The following NETO2 variants were observed in gnomAD, a reference collection of about 807,000 sequenced individuals.
NETO2 encodes neuropilin and tolloid like 2.
A neutral mutation model predicts 62.5 loss-of-function variants in NETO2; 28 were observed. The observed-to-expected ratio is 0.45, with a 90% CI of 0.33 to 0.61. NETO2 has a LOEUF of 0.61. Among genes scored for constraint, NETO2 ranks in the 20% least tolerant of loss-of-function variants. The probability of loss-of-function intolerance (pLI) is 0.02; values close to 1 mark genes in which losing one functional copy is unlikely to be tolerated. For missense variants in NETO2, 548 were observed against 643.2 expected (o/e 0.85, Z 1.60); for synonymous variants, 214 against 219.1 (o/e 0.98, Z 0.21).
chr16:47,133,461 G>A (rs959722299), intron 1 of NETO2, among the ~76,000 whole-genome samples: 4 of 151,950 alleles, frequency 2.6e-5, no homozygotes, highest in African/African-American at 9.7e-5. Context: ...GGGAGGCTGA[G>A]GCAGGAGGAT....
chr16:47,128,289 G>A (rs771480990), intron 4 of NETO2, 36 bp downstream of exon 4: 1 of 1,591,336 alleles, frequency 6.3e-7, no homozygotes, highest in Non-Finnish European at 8.6e-7. Flanking sequence ...GTTAGAGTGA[G>A]ATGCCCAACC....
chr16:47,129,215 T>C lies in NETO2; in HGVS notation c.232+9A>G, dbSNP rs867156347. 7 of 1,613,314 alleles carry C rather than the reference T, an allele frequency of 4.3e-6. No homozygotes were observed. In the Middle Eastern group the frequency reaches 8.3e-4, roughly 190 times the overall value. On this transcript the variant is annotated intron_variant, in intron 3 of 8. Transcript: ENST00000562435. ...AAAATTCATCCAATAAAAGAAATCG[T>C]TCAAATACCTTCCAAAATGTAGATA... is the stretch of plus-strand genomic sequence containing the variant.
intron 7 of NETO2, among the ~76,000 whole-genome samples, chr16:47,097,027 G>A (rs920562050): frequency 1.3e-5 from 2 of 152,182 alleles, no homozygotes; most frequent in Admixed American, 6.5e-5. Context: ...TTCACAACCC[G>A]CAGACCAGGA....
At chr16:47,085,878 G>A (rs1341847730) in intron 8 of NETO2, among the ~76,000 whole-genome samples, 1 of 151,846 alleles carries the variant, frequency 6.6e-6, no homozygotes, top group Non-Finnish European at 1.5e-5. Flanking sequence ...GGCCGAGGTG[G>A]GCAGATCATG....
intron 6 of NETO2, among the ~76,000 whole-genome samples, chr16:47,115,201 A>C (rs1963884086): frequency 6.6e-6 from 1 of 152,138 alleles, no homozygotes; most frequent in African/African-American, 2.4e-5. Flanking sequence ...TTTCAGAATA[A>C]TTTTGGCTTC....
At chr16:47,114,923 C>T (rs1482778717) in intron 6 of NETO2, among the ~76,000 whole-genome samples, 7 of 152,078 alleles carry the variant, frequency 4.6e-5, no homozygotes, top group Admixed American at 4.6e-4. Flanking sequence ...TGAGGCAACA[C>T]CTACACTCAA....
Position 47,083,099 on chromosome 16 carries a change from A to ACGGTAAATCAAGGTCTT in NETO2, c.*105_*121dup, listed in dbSNP as rs1963102881. 1.2e-6 allele frequency: 1 copy of ACGGTAAATCAAGGTCTT among 823,468 alleles called. No individual in the cohort carries two copies. The highest frequency in any genetic ancestry group is 1.7e-5 in the African/African-American group (1 of 58,224). The allele number at this position is 823,468 out of a possible 1,614,324, so 51.0% of individuals were successfully genotyped here. The stretch of plus-strand genomic sequence containing the variant: ...AAAAACATCACCATACAATAGGTTA[A>ACGGTAAATCAAGGTCTT]CGGTAAATCAAGGTCTTCGTAGTTG... On this transcript the variant is annotated 3_prime_UTR_variant, in exon 9 of 9. Transcript: ENST00000562435.
At chr16:47,129,587 T>C (rs1335971795) in intron 2 of NETO2, among the ~76,000 whole-genome samples, 3 of 152,046 alleles carry the variant, frequency 2.0e-5, no homozygotes, top group Non-Finnish European at 4.4e-5. Context: ...AACAGGGAAA[T>C]AAAGGGCTTA....
Position 47,122,931 on chromosome 16 carries a change from G to T in NETO2, c.482-19C>A. 6.2e-7 allele frequency: 1 copy of T among 1,610,274 alleles called. No homozygotes were observed. The highest frequency in any genetic ancestry group is 1.1e-5 in the South Asian group (1 of 90,874). ...TCTGGATCTGTAACAGAAAAAAGAA[G>T]AAAGTCATTGGTACTGAGATAGTTA... On this transcript the variant is annotated intron_variant, in intron 4 of 8. Coordinates refer to ENST00000562435, the MANE Select transcript of NETO2 (RefSeq NM_018092.5).
chr16:47,091,328 T>C (rs1207266303), intron 7 of NETO2, among the ~76,000 whole-genome samples: 1 of 152,202 alleles, frequency 6.6e-6, no homozygotes, highest in Non-Finnish European at 1.5e-5. Flanking sequence ...TTTTCACCTG[T>C]TTAATTATCA....
In NETO2 at chr16:47,128,315, T is replaced by TA; in HGVS notation, c.481+9dup. 6.2e-7 allele frequency: 1 copy of TA among 1,610,736 alleles called. No individual in the cohort carries two copies. Among genetic ancestry groups the TA allele is most frequent in the Non-Finnish European group, 8.5e-7 (1 of 1,178,342 alleles). On this transcript the variant is annotated intron_variant, in intron 4 of 8. Transcript: ENST00000562435. ...ATGCCCAACCACTTAAAAGATAACT[T>TA]ATTCTTTACCTGGAATAAATGAATA...
rs372282267 is a variant in NETO2, at chr16:47,083,826, TAA to T, written c.998-27_998-26del. 2.0e-5 allele frequency: 30 copies of T among 1,520,876 alleles called. No homozygotes were observed. In the East Asian group the frequency reaches 4.3e-4, roughly 22 times the overall value. 94.2% of individuals were successfully genotyped at this position (1,520,876 alleles called of 1,614,324 possible). ...TCTGCAGAAAGAAAATGAGAAACGTTAAGTTTTCAAAATACATTAATATGAAT... is the reference window on the plus strand; with the variant it reads ...TCTGCAGAAAGAAAATGAGAAACGTTGTTTTCAAAATACATTAATATGAAT... On this transcript the variant is annotated intron_variant, in intron 8 of 8. Coordinates refer to ENST00000562435, the MANE Select transcript of NETO2 (RefSeq NM_018092.5).
intron 1 of NETO2, among the ~76,000 whole-genome samples, chr16:47,132,292 GTTTT>G (rs1338591752): frequency 2.0e-5 from 3 of 150,274 alleles, no homozygotes; most frequent in African/African-American, 7.4e-5. Context: ...CAACTTAATA[GTTTT>G]GTTTAAAAAA....
At chr16:47,132,395 T>C (rs147509599) in intron 1 of NETO2, among the ~76,000 whole-genome samples, 31 of 152,282 alleles carry the variant, frequency 2.0e-4, no homozygotes, top group East Asian at 5.8e-4. Context: ...ACATGCAGTA[T>C]AGCTGGCTCT....
At chr16:47,096,955 G>C (rs569420654) in intron 7 of NETO2, among the ~76,000 whole-genome samples, 2 of 152,334 alleles carry the variant, frequency 1.3e-5, no homozygotes, top group South Asian at 4.2e-4. Flanking sequence ...CCCTCCCCTA[G>C]CCAAGGGAAG....
intron 7 of NETO2, among the ~76,000 whole-genome samples, chr16:47,103,933 A>G (rs971490692): frequency 2.0e-5 from 3 of 152,258 alleles, no homozygotes; most frequent in African/African-American, 7.2e-5. Context: ...CATAATCAGT[A>G]GTGAAGGACA....
intron 7 of NETO2, among the ~76,000 whole-genome samples, chr16:47,094,673 G>A (rs527446758): frequency 4.0e-5 from 6 of 151,284 alleles, no homozygotes; most frequent in South Asian, 2.1e-4. Flanking sequence ...TGATCTGCCC[G>A]CCTTGGCCTC....
At chr16:47,098,167 G>C (rs901964796) in intron 7 of NETO2, among the ~76,000 whole-genome samples, 1 of 152,178 alleles carries the variant, frequency 6.6e-6, no homozygotes, top group South Asian at 2.1e-4. Context: ...AAACTGGATG[G>C]AGAATGAATT....
intron 4 of NETO2, among the ~76,000 whole-genome samples, chr16:47,127,700 T>G (rs915681799): frequency 1.3e-5 from 2 of 152,234 alleles, no homozygotes; most frequent in African/African-American, 4.8e-5. Context: ...AAAATCAGTT[T>G]CTGCTGTCTG....
Sources: allele counts gnomAD v4.1 joint callset (sites outside exome capture counted in the v4.1 genomes callset), GRCh38; gene constraint gnomAD v4.1.1; transcripts MANE v1.5; gene names NCBI Gene and HGNC (gene_info 2026-07-23, HGNC 2026-07-21).